Variants in EPB41 observed in about 807,000 individuals in gnomAD.
EPB41 encodes erythrocyte membrane protein band 4.1.
In EPB41, 65 loss-of-function variants were observed where a neutral mutation model predicts 108.0. The ratio of observed to expected loss-of-function variants is 0.60; its 90% confidence interval spans 0.49 to 0.74. The LOEUF (loss-of-function observed/expected upper bound fraction) is 0.74, where lower values mean the gene tolerates loss of function less well. Among genes scored for constraint, EPB41 ranks in the 30% least tolerant of loss-of-function variants. The probability of loss-of-function intolerance (pLI) is 0.00; values close to 1 mark genes in which losing one functional copy is unlikely to be tolerated. For missense variants in EPB41, 875 were observed against 1,037.0 expected (o/e 0.84, Z 2.15); for synonymous variants, 336 against 358.9 (o/e 0.94, Z 0.72).
chr1:28,983,821 C>T (rs894774887), intron 1 of EPB41, among the ~76,000 whole-genome samples: 5 of 152,152 alleles, frequency 3.3e-5, no homozygotes, highest in African/African-American at 9.7e-5. Context: ...TCAGTGGGCC[C>T]TTTGCCTTTT....
chr1:28,887,308 G>A lies in EPB41; in HGVS notation c.-8+98G>A. 1 of 1,213,232 alleles carries A rather than the reference G, an allele frequency of 8.2e-7. No homozygotes were observed. The highest frequency in any genetic ancestry group is 1.0e-6 in the Non-Finnish European group (1 of 952,510). 75.2% of individuals were successfully genotyped at this position (1,213,232 alleles called of 1,614,324 possible). On this transcript the variant is annotated intron_variant, in intron 1 of 16. Transcript: ENST00000347529. This position sits in a 1 kb window ranked among gnomAD's most constrained non-coding sequence, Gnocchi z 4.9. Reference sequence around the variant, plus strand: ...CCCAAGGGCTCGGACCGTCCCGGGAGAGGCGAGACCAGGGTCGAAGGGTCC... The same window carrying A: ...CCCAAGGGCTCGGACCGTCCCGGGAAAGGCGAGACCAGGGTCGAAGGGTCC...
intron 1 of EPB41, among the ~76,000 whole-genome samples, chr1:28,956,368 C>T (rs751214755): frequency 2.0e-5 from 3 of 152,214 alleles, no homozygotes; most frequent in Non-Finnish European, 4.4e-5. Context: ...TGCTGTTTTA[C>T]ACCTCCAGCA....
chr1:29,030,074 A>G (rs779125857), intron 7 of EPB41, among the ~76,000 whole-genome samples: 26 of 152,216 alleles, frequency 1.7e-4, no homozygotes, highest in Non-Finnish European at 3.2e-4. Context: ...TGTCGGAGAA[A>G]AAGAGTGAAG....
At chr1:29,058,111 T>C (rs1481520733) in intron 12 of EPB41, among the ~76,000 whole-genome samples, 2 of 152,264 alleles carry the variant, frequency 1.3e-5, no homozygotes, top group African/African-American at 2.4e-5. Context: ...TTATTACATG[T>C]GTGTTTTAAC....
At chr1:28,997,149 C>T in intron 3 of EPB41, 66 bp from the exon 4 acceptor site, 1 of 1,195,308 alleles carries the variant, frequency 8.4e-7, no homozygotes, top group South Asian at 1.2e-5. Context: ...GAATCCCCAT[C>T]TCTTTTGGGG....
intron 17 of EPB41, among the ~76,000 whole-genome samples, chr1:29,102,945 G>C (rs998067636): frequency 6.6e-6 from 1 of 151,992 alleles, no homozygotes; most frequent in Non-Finnish European, 1.5e-5. Flanking sequence ...GCTAATTTTT[G>C]TACTTTTAGT....
At chr1:29,074,490 T>C (rs1653004795) in intron 16 of EPB41, among the ~76,000 whole-genome samples, 2 of 152,218 alleles carry the variant, frequency 1.3e-5, no homozygotes, top group Non-Finnish European at 1.5e-5. Context: ...GCCACTCTCA[T>C]TTCTGAAGCT....
At chr1:28,986,360 A>G (rs1010561595) in intron 1 of EPB41, among the ~76,000 whole-genome samples, 14 of 152,186 alleles carry the variant, frequency 9.2e-5, no homozygotes, top group South Asian at 2.1e-4. Context: ...ATTCTTTAGT[A>G]AAGTAGACGT....
At chr1:29,113,338 G>A (rs746029941) in intron 19 of EPB41, among the ~76,000 whole-genome samples, 2 of 152,192 alleles carry the variant, frequency 1.3e-5, no homozygotes, top group Non-Finnish European at 2.9e-5. Context: ...ATGCTGATAT[G>A]CTGAGTGCCT....
upstream of EPB41, among the ~76,000 whole-genome samples, chr1:28,914,352 TTTTTCGTTCCCCTCTCCTCTCC>T (rs1024794040): frequency 6.6e-6 from 1 of 152,144 alleles, no homozygotes; most frequent in Non-Finnish European, 1.5e-5. Flanking sequence ...TTCCTCTCTC[TTTTTCGTTCCCCTCTCCTCTCC>T]TTACCGGCCT....
At chr1:29,047,853 G>A (rs1643771390) in intron 11 of EPB41, among the ~76,000 whole-genome samples, 1 of 149,724 alleles carries the variant, frequency 6.7e-6, no homozygotes, top group Non-Finnish European at 1.5e-5. Context: ...GCGTGATCTC[G>A]GCTCACTGCA....
At chr1:29,057,612 C>A (rs1573296507) in intron 12 of EPB41, among the ~76,000 whole-genome samples, 1 of 152,036 alleles carries the variant, frequency 6.6e-6, no homozygotes, top group East Asian at 1.9e-4. Flanking sequence ...TGATGAGGTT[C>A]TGTAAAGAAC....
intron 1 of EPB41, among the ~76,000 whole-genome samples, chr1:28,933,175 G>A (rs1480715430): frequency 2.6e-5 from 4 of 152,102 alleles, no homozygotes; most frequent in African/African-American, 7.2e-5. Context: ...CATATTTGCC[G>A]TGTTCACTAT....
chr1:28,919,556 CG>C (rs957113577), intron 1 of EPB41, among the ~76,000 whole-genome samples: 1 of 151,928 alleles, frequency 6.6e-6, no homozygotes, highest in Non-Finnish European at 1.5e-5. Context: ...CTCTGCCTCC[CG>C]GGTTCAAGCG....
chr1:28,997,904 G>C (rs2096218679), intron 4 of EPB41, among the ~76,000 whole-genome samples: 1 of 152,028 alleles, frequency 6.6e-6, no homozygotes, highest in Admixed American at 6.6e-5. Flanking sequence ...TTAAAAGTCA[G>C]GTATTTACCT....
intron 1 of EPB41, among the ~76,000 whole-genome samples, chr1:28,929,723 G>A (rs1038224170): frequency 6.6e-6 from 1 of 150,440 alleles, no homozygotes; most frequent in African/African-American, 2.4e-5. Context: ...TAGAGACGGG[G>A]TTTATCCATG....
At chr1:28,968,478 G>T (rs1204700930) in intron 1 of EPB41, among the ~76,000 whole-genome samples, 6 of 151,948 alleles carry the variant, frequency 3.9e-5, no homozygotes, top group Non-Finnish European at 8.8e-5. Context: ...TGATTGTATA[G>T]AGAAAATTCC....
chr1:28,912,772 C>T (rs1451356203), upstream of EPB41, among the ~76,000 whole-genome samples: 1 of 151,728 alleles, frequency 6.6e-6, no homozygotes, highest in African/African-American at 2.4e-5. Flanking sequence ...TGCCTGCCAC[C>T]AGGCCCAGCT....
chr1:28,992,073 A>G (rs1223078467), intron 2 of EPB41, among the ~76,000 whole-genome samples: 2 of 152,202 alleles, frequency 1.3e-5, no homozygotes, highest in African/African-American at 4.8e-5. Context: ...TTATTGTAAT[A>G]AGTTATAAAG....
Sources: allele counts gnomAD v4.1 joint callset (sites outside exome capture counted in the v4.1 genomes callset), GRCh38; gene constraint gnomAD v4.1.1; non-coding constraint Gnocchi (gnomAD v3.1); transcripts MANE v1.5; gene names NCBI Gene and HGNC (gene_info 2026-07-23, HGNC 2026-07-21).